Variants in CD8B2 observed in about 807,000 individuals in gnomAD.
CD8B2 encodes T-cell surface glycoprotein CD8 beta-2 chain.
A neutral mutation model predicts 23.7 loss-of-function variants in CD8B2; 11 were observed. The ratio of observed to expected loss-of-function variants is 0.46; its 90% confidence interval spans 0.29 to 0.77. The LOEUF (loss-of-function observed/expected upper bound fraction) is 0.77, where lower values mean the gene tolerates loss of function less well. CD8B2 is among the 30% of genes least tolerant of loss of function. The pLI, the probability that CD8B2 is intolerant of heterozygous loss-of-function variation, is 0.09. For synonymous variants in CD8B2, 90 were observed against 109.3 expected, an observed-to-expected ratio of 0.82 and a Z score of 1.10; for missense variants, 197 against 270.5, an observed-to-expected ratio of 0.73 and a Z score of 1.91.
At chr2:106,517,451 C>T (rs966194725) in intron 5 of CD8B2, among the ~76,000 whole-genome samples, 7 of 152,128 alleles carry the variant, frequency 4.6e-5, no homozygotes, top group Admixed American at 6.5e-5. Flanking sequence ...CATGCTAAGA[C>T]GTCTCCGCTG....
chr2:106,509,991 G>A lies in CD8B2; in HGVS notation c.*3051G>A, dbSNP rs919455806. The A allele has an allele frequency of 6.6e-6, 1 of 152,234 alleles. No individual in the cohort carries two copies. Among genetic ancestry groups the A allele is most frequent in the East Asian group, 1.9e-4 (1 of 5,176 alleles). The allele number at this position is 152,234 out of a possible 1,614,324, so 9.4% of individuals were successfully genotyped here. On this transcript the variant is annotated 3_prime_UTR_variant, in exon 6 of 6. Transcript: ENST00000643224. ...AAATTCAGACACAGTCTAATAAGGG[G>A]GTTTAGGCGGCTGCTAAGGAATGAG...
At chr2:106,532,061 A>G (rs1034261761) in intron 5 of CD8B2, among the ~76,000 whole-genome samples, 10 of 152,224 alleles carry the variant, frequency 6.6e-5, no homozygotes, top group African/African-American at 1.9e-4. Context: ...GATAAATGCA[A>G]CCATAGCACA....
intron 5 of CD8B2, among the ~76,000 whole-genome samples, chr2:106,532,345 C>G (rs1279037043): frequency 1.3e-5 from 2 of 151,460 alleles, no homozygotes; most frequent in South Asian, 4.2e-4. Flanking sequence ...ATTTTTTTTT[C>G]TATTAAAGCG....
chr2:106,507,454 A>G lies in CD8B2; in HGVS notation c.*514A>G, dbSNP rs1679532635. 1.0e-6 allele frequency: 1 copy of G among 985,808 alleles called. No individual in the cohort carries two copies. The highest frequency in any genetic ancestry group is 1.7e-5 in the African/African-American group (1 of 57,260). The allele number at this position is 985,808 out of a possible 1,614,324, so 61.1% of individuals were successfully genotyped here. A position where few individuals can be genotyped will look rare whatever the true frequency, so the allele number is the denominator to read the frequency against. On this transcript the variant is annotated 3_prime_UTR_variant, in exon 6 of 6. Transcript: ENST00000643224. ...TGAGAGGGGCTGTCCAGTTCCCAGA[A>G]GCCATGTCAGTCTCTGAGGGCTTCC... is the stretch of plus-strand genomic sequence containing the variant.
chr2:106,505,896 C>T (rs1679495682), intron 5 of CD8B2, among the ~76,000 whole-genome samples: 1 of 152,070 alleles, frequency 6.6e-6, no homozygotes, highest in African/African-American at 2.4e-5. Flanking sequence ...TTTGGGAGGC[C>T]CAAGGCAGGT....
intron 3 of CD8B2, among the ~76,000 whole-genome samples, chr2:106,498,750 G>A (rs1009171895): frequency 6.6e-6 from 1 of 152,108 alleles, no homozygotes; most frequent in Non-Finnish European, 1.5e-5. Context: ...TGTGAAATGG[G>A]GATGCAGGAT....
intron 3 of CD8B2, 100 bp downstream of exon 3, chr2:106,496,362 A>G (rs545123146): frequency 1.4e-6 from 2 of 1,441,572 alleles, no homozygotes; most frequent in South Asian, 1.3e-5. Flanking sequence ...CCAAGTGTCA[A>G]CTCTAGAGCC....
chr2:106,517,825 G>A (rs1249380358), intron 5 of CD8B2, among the ~76,000 whole-genome samples: 1 of 151,880 alleles, frequency 6.6e-6, no homozygotes, highest in Middle Eastern at 3.2e-3. Context: ...CCGTTCTCCT[G>A]CCTCAGCCTC....
chr2:106,491,893 G>A (rs945071014), intron 2 of CD8B2, among the ~76,000 whole-genome samples: 1 of 152,098 alleles, frequency 6.6e-6, no homozygotes. Context: ...GGTCCTTCAG[G>A]CCACATCAGG....
At chr2:106,492,278 C>T (rs1679211168) in intron 2 of CD8B2, among the ~76,000 whole-genome samples, 1 of 152,096 alleles carries the variant, frequency 6.6e-6, no homozygotes, top group East Asian at 1.9e-4. Flanking sequence ...AGCAGACGCA[C>T]ATTTCAAGCC....
intron 5 of CD8B2, among the ~76,000 whole-genome samples, chr2:106,517,708 T>G (rs529422819): frequency 3.7e-4 from 50 of 135,450 alleles, no homozygotes; most frequent in Non-Finnish European, 7.1e-4. Context: ...CTGTTTTTTT[T>G]TTGTTTTTTT....
intron 5 of CD8B2, chr2:106,521,740 A>C (rs1679828729): frequency 6.6e-6 from 1 of 152,384 alleles, no homozygotes; most frequent in African/African-American, 2.4e-5. Flanking sequence ...TTGGTCACCC[A>C]GGTTATGGAA....
intron 5 of CD8B2, among the ~76,000 whole-genome samples, chr2:106,539,546 G>T (rs1680141417): frequency 1.3e-5 from 2 of 152,058 alleles, no homozygotes; most frequent in Admixed American, 1.3e-4. Flanking sequence ...GGAATTAGGG[G>T]GCCACACGGG....
At chr2:106,488,911 G>C (rs1324859922) in intron 1 of CD8B2, among the ~76,000 whole-genome samples, 1 of 152,178 alleles carries the variant, frequency 6.6e-6, no homozygotes, top group Non-Finnish European at 1.5e-5. Flanking sequence ...TGGAACGGCA[G>C]TGTGGTGTTT....
intron 3 of CD8B2, among the ~76,000 whole-genome samples, chr2:106,500,545 TA>T (rs1553466754): frequency 1.6e-5 from 2 of 125,462 alleles, no homozygotes; most frequent in African/African-American, 2.6e-5. Flanking sequence ...AATAAATAAA[TA>T]AATAAATAAA....
intron 3 of CD8B2, among the ~76,000 whole-genome samples, chr2:106,499,467 G>T (rs1229806694): frequency 6.6e-6 from 1 of 150,490 alleles, no homozygotes; most frequent in Non-Finnish European, 1.5e-5. Context: ...AGGAGGTGGA[G>T]GTTGTGGTGA....
intron 5 of CD8B2, among the ~76,000 whole-genome samples, chr2:106,537,334 C>T (rs970961990): frequency 6.6e-6 from 1 of 152,066 alleles, no homozygotes; most frequent in Non-Finnish European, 1.5e-5. Flanking sequence ...CTTGCACTTC[C>T]CTAGTAGTCC....
chr2:106,536,055 A>G (rs1472649671), intron 5 of CD8B2, among the ~76,000 whole-genome samples: 1 of 138,648 alleles, frequency 7.2e-6, no homozygotes, highest in African/African-American at 2.7e-5. Flanking sequence ...TTTTTTTGAG[A>G]CAGAGTTTTG....
chr2:106,506,486 GA>G (rs1310605121), intron 5 of CD8B2, among the ~76,000 whole-genome samples: 1 of 151,918 alleles, frequency 6.6e-6, no homozygotes, highest in East Asian at 1.9e-4. Context: ...AGAAAAGCTT[GA>G]AAACCACCTC....
Sources: allele counts gnomAD v4.1 joint callset (sites outside exome capture counted in the v4.1 genomes callset), GRCh38; gene constraint gnomAD v4.1.1; transcripts MANE v1.5; gene names NCBI Gene and HGNC (gene_info 2026-07-23, HGNC 2026-07-21).